Variants in FMN1 observed in about 807,000 individuals in gnomAD.
FMN1 encodes formin-1.
In FMN1, 110 loss-of-function variants were observed where a neutral mutation model predicts 132.4. That is an observed-to-expected ratio of 0.83 (90% CI 0.71 to 0.97). The LOEUF (loss-of-function observed/expected upper bound fraction) is 0.97. FMN1 is among the 50% of genes least tolerant of loss of function. FMN1 has a pLI of 0.00. For missense variants in FMN1, 1,792 were observed against 1,705.3 expected (o/e 1.05, Z -0.90); for synonymous variants, 722 against 651.7 (o/e 1.11, Z -1.64).
At chr15:32,850,777 C>T (rs2058989971) in intron 17 of FMN1, among the ~76,000 whole-genome samples, 1 of 152,096 alleles carries the variant, frequency 6.6e-6, no homozygotes, top group African/African-American at 2.4e-5. Flanking sequence ...TTATTTTAAA[C>T]CTGGTAAATT....
intron 5 of FMN1, among the ~76,000 whole-genome samples, chr15:33,074,035 T>C (rs867173693): frequency 4.8e-4 from 73 of 152,284 alleles, no homozygotes; most frequent in Middle Eastern, 6.8e-3. Context: ...CCGGCCTGGC[T>C]TGACCTTTTG....
chr15:32,834,163 T>C (rs1157407249), intron 17 of FMN1, among the ~76,000 whole-genome samples: 1 of 152,216 alleles, frequency 6.6e-6, no homozygotes, highest in Non-Finnish European at 1.5e-5. Flanking sequence ...GATGGTAAAC[T>C]CTTTTCTTAA....
chr15:33,119,805 G>A (rs1055086535), intron 4 of FMN1, among the ~76,000 whole-genome samples: 2 of 152,096 alleles, frequency 1.3e-5, no homozygotes, highest in East Asian at 3.9e-4. Context: ...GATTTTGAAA[G>A]CCAGTCTTCT....
rs911568631 is a variant in FMN1 at position 33,103,029 on chromosome 15, C to A, written c.1868-14055G>T. Reference sequence around the variant, plus strand: ...AAAGGCTTAATGGGGCAGAACCTTACTTGCCTTCTCCAGTACCAGGCACTC... The same window carrying A: ...AAAGGCTTAATGGGGCAGAACCTTAATTGCCTTCTCCAGTACCAGGCACTC... On this transcript the variant is annotated intron_variant, in intron 4 of 20. Transcript: ENST00000616417. Among the ~76,000 whole-genome samples, 4 of 152,216 alleles carry A rather than the reference C, an allele frequency of 2.6e-5. No individual in the cohort carries two copies. In the East Asian group the frequency reaches 7.7e-4, roughly 29 times the overall value.
intron 17 of FMN1, among the ~76,000 whole-genome samples, chr15:32,842,983 C>T (rs1031704608): frequency 3.4e-4 from 51 of 151,844 alleles, no homozygotes; most frequent in African/African-American, 1.0e-3. Flanking sequence ...AGAAATTAGC[C>T]GGGCATGGTG....
At chr15:33,023,059 C>CAAAAAAAAAAAAAAAAAAAAA (rs758459713) in intron 6 of FMN1, among the ~76,000 whole-genome samples, 2 of 53,214 alleles carry the variant, frequency 3.8e-5, no homozygotes, top group Non-Finnish European at 6.8e-5. Context: ...CTCCCCCACC[C>CAAAAAAAAAAAAAAAAAAAAA]AAAAAAAAAA....
chr15:32,964,600 G>A (rs1326541138), intron 8 of FMN1, among the ~76,000 whole-genome samples: 1 of 152,174 alleles, frequency 6.6e-6, no homozygotes, highest in African/African-American at 2.4e-5. Flanking sequence ...TTTCCATGAT[G>A]TGTAAAAATG....
At chr15:32,858,959 T>A (rs4780050) in intron 16 of FMN1, among the ~76,000 whole-genome samples, 42 of 152,206 alleles carry the variant, frequency 2.8e-4, no homozygotes, top group Non-Finnish European at 5.4e-4. Context: ...GCTAGAGTAG[T>A]GTCCAAGGAG....
chr15:33,127,964 AAG>A (rs1491571577), intron 4 of FMN1, among the ~76,000 whole-genome samples: 1 of 152,138 alleles, frequency 6.6e-6, no homozygotes, highest in Non-Finnish European at 1.5e-5. Context: ...AAAGGAAAGA[AAG>A]GGGAAAGGAA....
chr15:32,883,862 A>G (rs2059831149), intron 16 of FMN1, among the ~76,000 whole-genome samples: 2 of 152,192 alleles, frequency 1.3e-5, no homozygotes, highest in Middle Eastern at 3.2e-3. Flanking sequence ...AGAGGCTTTA[A>G]TAAGCTCATG....
intron 6 of FMN1, among the ~76,000 whole-genome samples, chr15:33,049,511 G>A (rs578069236): frequency 6.6e-5 from 10 of 152,146 alleles, no homozygotes; most frequent in African/African-American, 9.7e-5. Context: ...AATTTATGAT[G>A]GTGATAGTGA....
chr15:33,114,277 T>G (rs2039825679), intron 4 of FMN1, among the ~76,000 whole-genome samples: 1 of 152,192 alleles, frequency 6.6e-6, no homozygotes, highest in Non-Finnish European at 1.5e-5. Flanking sequence ...GGACGAGGAA[T>G]GAAGCAGCTC....
intron 16 of FMN1, among the ~76,000 whole-genome samples, chr15:32,870,081 G>C (rs937960579): frequency 6.6e-6 from 1 of 152,200 alleles, no homozygotes; most frequent in Non-Finnish European, 1.5e-5. Context: ...ATGAGGCCAT[G>C]GAAGTGTTGT....
At chr15:32,933,721 C>A (rs2061182952) in intron 9 of FMN1, among the ~76,000 whole-genome samples, 1 of 152,000 alleles carries the variant, frequency 6.6e-6, no homozygotes, top group Non-Finnish European at 1.5e-5. Flanking sequence ...CCTTCTTTTT[C>A]TTTTGTTAGA....
chr15:32,880,363 T>C (rs548506650), intron 16 of FMN1, among the ~76,000 whole-genome samples: 1 of 152,322 alleles, frequency 6.6e-6, no homozygotes, highest in South Asian at 2.1e-4. Flanking sequence ...TTACTAGTTG[T>C]ATAAAATCTC....
At chr15:32,824,061 T>C (rs2058304765) in intron 17 of FMN1, among the ~76,000 whole-genome samples, 1 of 152,194 alleles carries the variant, frequency 6.6e-6, no homozygotes. Context: ...CCACACACAG[T>C]TGAAACATGG....
intron 17 of FMN1, among the ~76,000 whole-genome samples, chr15:32,851,984 A>G (rs1456401234): frequency 6.6e-6 from 1 of 152,242 alleles, no homozygotes; most frequent in African/African-American, 2.4e-5. Context: ...GTAGAAGTAC[A>G]GAAGTATCTT....
intron 6 of FMN1, among the ~76,000 whole-genome samples, chr15:33,054,864 A>C (rs1356548278): frequency 6.6e-6 from 1 of 152,216 alleles, no homozygotes; most frequent in Admixed American, 6.5e-5. Flanking sequence ...TTACATGGAA[A>C]TACAAAGAGC....
At chr15:33,010,639 A>G (rs2034662861) in intron 6 of FMN1, among the ~76,000 whole-genome samples, 3 of 152,146 alleles carry the variant, frequency 2.0e-5, no homozygotes. Flanking sequence ...TAAAGAGAAA[A>G]AGGAAGGTAT....
Sources: gnomAD v4.1 joint callset for allele counts (sites outside exome capture counted in the v4.1 genomes callset) on GRCh38, gnomAD v4.1.1 for gene constraint, MANE v1.5 for transcripts, NCBI Gene and HGNC (gene_info 2026-07-23, HGNC 2026-07-21) for gene names.